Variants in RBFOX1 observed in about 807,000 individuals in gnomAD.
RBFOX1 encodes RNA binding protein fox-1 homolog 1.
RBFOX1 carries 8 observed loss-of-function variants against 57.7 expected under a neutral mutation model. The ratio of observed to expected loss-of-function variants is 0.14; its 90% CI spans 0.08 to 0.25. RBFOX1 has a LOEUF of 0.25. RBFOX1 is among the 10% of genes least tolerant of loss of function. RBFOX1 has a pLI of 1.00. For synonymous variants in RBFOX1, 326 were observed against 222.4 expected, an observed-to-expected ratio of 1.47 and a Z score of -4.15; for missense variants, 611 against 548.5, an observed-to-expected ratio of 1.11 and a Z score of -1.14.
At chr16:6,454,884 T>TGTTG (rs1567313849) in intron 2 of RBFOX1, among the ~76,000 whole-genome samples, 23 of 121,354 alleles carry the variant, frequency 1.9e-4, no homozygotes, top group Admixed American at 3.5e-4. Flanking sequence ...TTTTTTTTTT[T>TGTTG]TTTTTTTTTT....
chr16:7,100,353 A>C lies in RBFOX1; in HGVS notation c.27+48255A>C, dbSNP rs369357460. ...CATTATGAAAAAATTTGCTATATGA[A>C]GTAGAATCTGACTCCCCCCAGCCTA... On this transcript the variant is annotated intron_variant, in intron 4 of 15. Transcript: ENST00000550418. Among the ~76,000 whole-genome samples the C allele has an allele frequency of 8.5e-5, 13 of 152,196 alleles. No homozygotes were observed. The South Asian group carries it at 2.7e-3, about 32-fold the overall frequency.
At position 5,970,239 on chromosome 16, in the gene RBFOX1, A is replaced by T. The variant is rs149445886; in HGVS notation, c.351+102904A>T. On this transcript the variant is annotated intron_variant, in intron 4 of 19. Coordinates refer to the RBFOX1 transcript ENST00000641259. ...TCATGAAGGCACTTTGTTGTTTCTCATAGATGTTGTCTATTTACTCATTTT... is the reference window on the plus strand; with the variant it reads ...TCATGAAGGCACTTTGTTGTTTCTCTTAGATGTTGTCTATTTACTCATTTT... Among the ~76,000 whole-genome samples the T allele has an allele frequency of 2.1e-3, 324 of 152,176 alleles. 2 individuals carry two copies. The highest frequency in any genetic ancestry group is 7.2e-3 in the African/African-American group (298 of 41,518).
chr16:5,854,798 C>T (rs1225096540), intron 3 of RBFOX1, among the ~76,000 whole-genome samples: 1 of 152,092 alleles, frequency 6.6e-6, no homozygotes, highest in Non-Finnish European at 1.5e-5. Flanking sequence ...TTTGGAACCT[C>T]CATACTGCTT....
At chr16:6,411,624 G>C (rs1371145350) in intron 2 of RBFOX1, among the ~76,000 whole-genome samples, 1 of 152,174 alleles carries the variant, frequency 6.6e-6, no homozygotes, top group South Asian at 2.1e-4. Flanking sequence ...ATAATGGATA[G>C]GGATGCTATT....
At chr16:6,739,316 A>C (rs935870963) in intron 3 of RBFOX1, among the ~76,000 whole-genome samples, 2 of 152,140 alleles carry the variant, frequency 1.3e-5, no homozygotes, top group African/African-American at 4.8e-5. Flanking sequence ...GCAGACATTA[A>C]AAGGATAATA....
chr16:6,884,148 G>C (rs1469402886), intron 3 of RBFOX1, among the ~76,000 whole-genome samples: 1 of 152,200 alleles, frequency 6.6e-6, no homozygotes, highest in East Asian at 1.9e-4. Flanking sequence ...CAGAGCTACT[G>C]CAGACAGAAG....
intron 7 of RBFOX1, among the ~76,000 whole-genome samples, chr16:7,591,008 T>G (rs1045245474): frequency 6.6e-6 from 1 of 151,918 alleles, no homozygotes; most frequent in Non-Finnish European, 1.5e-5. Flanking sequence ...GCAGGAGAGA[T>G]GGACTAGGAA....
chr16:5,347,747 C>T (rs986589346), intron 1 of RBFOX1, among the ~76,000 whole-genome samples: 15 of 150,808 alleles, frequency 9.9e-5, no homozygotes, highest in African/African-American at 3.4e-4. Context: ...CCTGCCCACC[C>T]GTCAACCCAT....
At chr16:5,641,585 T>A (rs555635567) in intron 3 of RBFOX1, among the ~76,000 whole-genome samples, 129 of 152,194 alleles carry the variant, frequency 8.5e-4, no homozygotes, top group Admixed American at 1.5e-3. Context: ...TTATTGCAAG[T>A]GTGATATGAA....
chr16:5,835,513 G>A (rs1364911335), intron 3 of RBFOX1, among the ~76,000 whole-genome samples: 1 of 152,190 alleles, frequency 6.6e-6, no homozygotes, highest in Non-Finnish European at 1.5e-5. Context: ...TGGTTGAAAA[G>A]AGTCCAGATT....
At chr16:5,702,684 T>G (rs1020969555) in intron 3 of RBFOX1, among the ~76,000 whole-genome samples, 5 of 152,350 alleles carry the variant, frequency 3.3e-5, no homozygotes, top group African/African-American at 1.2e-4. Flanking sequence ...TGAGTATCAA[T>G]TGACCCATCT....
chr16:5,251,770 G>C (rs1435571475), intron 1 of RBFOX1, among the ~76,000 whole-genome samples: 1 of 266 alleles, frequency 3.8e-3, no homozygotes, highest in East Asian at 0.17. Context: ...TTGTGTAGCT[G>C]CAACATGTGT....
At chr16:7,379,044 A>T (rs1315224461) in intron 4 of RBFOX1, among the ~76,000 whole-genome samples, 1 of 152,236 alleles carries the variant, frequency 6.6e-6, no homozygotes, top group Non-Finnish European at 1.5e-5. Flanking sequence ...ACCTGGCAAT[A>T]TTAACAGTAC....
intron 3 of RBFOX1, among the ~76,000 whole-genome samples, chr16:6,940,685 C>T (rs2078226370): frequency 6.6e-6 from 1 of 152,038 alleles, no homozygotes; most frequent in African/African-American, 2.4e-5. Context: ...GCAAGCTCCG[C>T]CTCCCGGGTT....
intron 2 of RBFOX1, among the ~76,000 whole-genome samples, chr16:6,533,249 C>G (rs958505375): frequency 2.0e-5 from 3 of 152,204 alleles, no homozygotes; most frequent in African/African-American, 7.2e-5. Flanking sequence ...CAACAGAGAA[C>G]TTTTCTAAGT....
At chr16:7,434,697 T>A (rs1350105960) in intron 4 of RBFOX1, among the ~76,000 whole-genome samples, 1 of 151,856 alleles carries the variant, frequency 6.6e-6, no homozygotes, top group Non-Finnish European at 1.5e-5. Context: ...GTCCAGAGAG[T>A]TCCCATCTAC....
At position 7,305,445 on chromosome 16, in the gene RBFOX1, A is replaced by G. The variant is rs557648094; in HGVS notation, c.28-212702A>G. Among the ~76,000 whole-genome samples, 10 of 152,242 alleles carry G rather than the reference A, an allele frequency of 6.6e-5. No homozygotes were observed. The East Asian group carries it at 1.9e-3, about 30-fold the overall frequency. Reference sequence around the variant, plus strand: ...GGCTAGAAGGGGTTTTGTCATGCAGATGAAAATCCTTTCTCCCTCCCAGGA... The same window carrying G: ...GGCTAGAAGGGGTTTTGTCATGCAGGTGAAAATCCTTTCTCCCTCCCAGGA... On this transcript the variant is annotated intron_variant, in intron 4 of 15. Transcript: ENST00000550418.
intron 2 of RBFOX1, among the ~76,000 whole-genome samples, chr16:6,607,096 C>A (rs1269219396): frequency 2.0e-5 from 3 of 152,178 alleles, no homozygotes; most frequent in African/African-American, 7.2e-5. Flanking sequence ...GCCTTCCAAA[C>A]CTACTGACTA....
intron 1 of RBFOX1, among the ~76,000 whole-genome samples, chr16:5,438,703 C>G (rs1401035962): frequency 6.6e-6 from 1 of 152,126 alleles, no homozygotes; most frequent in African/African-American, 2.4e-5. Flanking sequence ...TTGGAGCACA[C>G]CCCTTCCTCC....
Sources: gnomAD v4.1 joint callset for allele counts (sites outside exome capture counted in the v4.1 genomes callset) on GRCh38, gnomAD v4.1.1 for gene constraint, MANE v1.5 for transcripts, NCBI Gene and HGNC (gene_info 2026-07-23, HGNC 2026-07-21) for gene names.